Variants in NCAM2 observed in about 807,000 individuals in gnomAD.
NCAM2 encodes the protein N-CAM-2.
NCAM2 carries 30 observed loss-of-function variants against 98.1 expected under a neutral mutation model. The ratio of observed to expected loss-of-function variants is 0.31; its 90% CI spans 0.23 to 0.41. NCAM2 has a LOEUF of 0.41. Among genes scored for constraint, NCAM2 ranks in the 10% least tolerant of loss-of-function variants. NCAM2 has a pLI of 1.00. For missense variants in NCAM2, 867 were observed against 1,005.8 expected (o/e 0.86, Z 1.87); for synonymous variants, 368 against 342.4 (o/e 1.07, Z -0.83).
chr21:21,363,548 G>C (rs925016364), intron 8 of NCAM2, among the ~76,000 whole-genome samples: 1 of 152,034 alleles, frequency 6.6e-6, no homozygotes, highest in Admixed American at 6.6e-5. Context: ...TTTCTGCTTC[G>C]TGGGTCTTTA....
At chr21:21,180,069 C>T (rs1166995938) in intron 1 of NCAM2, among the ~76,000 whole-genome samples, 1 of 152,104 alleles carries the variant, frequency 6.6e-6, no homozygotes, top group African/African-American at 2.4e-5. Context: ...TTGAGCAGGA[C>T]TTCATTTGTC....
At chr21:21,088,068 A>T (rs2065938520) in intron 1 of NCAM2, among the ~76,000 whole-genome samples, 1 of 152,090 alleles carries the variant, frequency 6.6e-6, no homozygotes, top group Non-Finnish European at 1.5e-5. Context: ...TAGAACTGTA[A>T]TTGCATATGG....
rs1989990987 is a variant in NCAM2 at position 21,536,495 on chromosome 21, A to G, written c.2403-1351A>G. Among the ~76,000 whole-genome samples, 6 of 151,638 alleles carry G rather than the reference A, an allele frequency of 4.0e-5. No homozygotes were observed. In the South Asian group the frequency reaches 1.2e-3, roughly 31 times the overall value. The stretch of plus-strand genomic sequence containing the variant: ...CAACCTCCGCCTCCCAGGTTCAAGC[A>G]ATTCTCCTGTCTCAGCCTCCCGAAT... On this transcript the variant is annotated intron_variant, in intron 17 of 17. Transcript: ENST00000400546.
At chr21:21,075,892 G>GGAT (rs1335260523) in intron 1 of NCAM2, among the ~76,000 whole-genome samples, 1 of 152,082 alleles carries the variant, frequency 6.6e-6, no homozygotes, top group Non-Finnish European at 1.5e-5. Flanking sequence ...TGAGGCTGGT[G>GGAT]GATCACCTGA....
chr21:21,526,793 C>T (rs138605974), intron 16 of NCAM2, among the ~76,000 whole-genome samples: 1 of 151,920 alleles, frequency 6.6e-6, no homozygotes, highest in South Asian at 2.1e-4. Flanking sequence ...TAATGGAACC[C>T]AATAAAAACC....
At chr21:21,364,456 TATA>T (rs565747462) in intron 8 of NCAM2, among the ~76,000 whole-genome samples, 159 of 152,136 alleles carry the variant, frequency 1.0e-3, no homozygotes, top group African/African-American at 3.5e-3. Flanking sequence ...ATATATTTGC[TATA>T]ATAATATCAG....
rs1231315150 is a variant in NCAM2, at chr21:21,468,801, TGTC to T, written c.1896+19_1896+21del. 6.2e-7 allele frequency: 1 copy of T among 1,602,434 alleles called. No individual in the cohort carries two copies. On this transcript the variant is annotated intron_variant, in intron 14 of 17. Coordinates refer to ENST00000400546, the MANE Select transcript of NCAM2 (RefSeq NM_004540.5). ...ATAGAAGTGTAAGTACCTTGTTTATTGTCATATCATGCTAGGTTTTTTCAAATT... is the reference window on the plus strand; with the variant it reads ...ATAGAAGTGTAAGTACCTTGTTTATTATATCATGCTAGGTTTTTTCAAATT...
intron 5 of NCAM2, among the ~76,000 whole-genome samples, chr21:21,300,760 A>G (rs2073682509): frequency 9.2e-6 from 1 of 108,810 alleles, no homozygotes; most frequent in South Asian, 4.0e-4. Flanking sequence ...AATCACAAAG[A>G]TATTTTATTT....
chr21:21,370,053 A>G (rs904728992), intron 8 of NCAM2, among the ~76,000 whole-genome samples: 20 of 151,842 alleles, frequency 1.3e-4, no homozygotes, highest in African/African-American at 4.6e-4. Context: ...GTTTTTAAAT[A>G]GAAACTCCCA....
chr21:21,501,477 G>T (rs530603523), intron 15 of NCAM2, among the ~76,000 whole-genome samples: 4 of 151,970 alleles, frequency 2.6e-5, no homozygotes, highest in East Asian at 3.9e-4. Context: ...AGTAAATATG[G>T]ACTTGAAGTA....
intron 1 of NCAM2, among the ~76,000 whole-genome samples, chr21:21,200,486 A>G (rs2069173524): frequency 6.6e-6 from 1 of 151,786 alleles, no homozygotes; most frequent in African/African-American, 2.4e-5. Context: ...TTCAACGTTT[A>G]AGAAATAAAG....
intron 1 of NCAM2, among the ~76,000 whole-genome samples, chr21:21,126,380 A>G (rs946990582): frequency 1.3e-5 from 2 of 151,852 alleles, no homozygotes; most frequent in African/African-American, 4.8e-5. Flanking sequence ...TTTTTGGTAA[A>G]GCTAAACATA....
At chr21:21,331,298 A>C (rs931956501) in intron 6 of NCAM2, among the ~76,000 whole-genome samples, 20 of 150,930 alleles carry the variant, frequency 1.3e-4, no homozygotes, top group Non-Finnish European at 2.4e-4. Context: ...CACAATGCCC[A>C]ATTAACTTTT....
At chr21:21,323,260 A>G (rs1382382094) in intron 5 of NCAM2, among the ~76,000 whole-genome samples, 1 of 152,182 alleles carries the variant, frequency 6.6e-6, no homozygotes, top group East Asian at 1.9e-4. Context: ...TTGTAATACT[A>G]GTAATTATTA....
intron 1 of NCAM2, among the ~76,000 whole-genome samples, chr21:21,242,160 G>GA (rs35149315): frequency 1 from 152,141 of 152,144 alleles, 76,069 homozygotes; most frequent in Middle Eastern, 1. Context: ...TACTAAAAAA[G>GA]AAACCTCCCT....
intron 1 of NCAM2, among the ~76,000 whole-genome samples, chr21:21,173,288 A>G (rs1470506377): frequency 2.6e-5 from 4 of 152,222 alleles, no homozygotes; most frequent in Non-Finnish European, 4.4e-5. Context: ...ATGGAATTAA[A>G]TGTGACAAGT....
intron 14 of NCAM2, among the ~76,000 whole-genome samples, chr21:21,471,772 T>A (rs1013720130): frequency 1.3e-5 from 2 of 151,970 alleles, no homozygotes; most frequent in Non-Finnish European, 1.5e-5. Flanking sequence ...AGTGTAAAAC[T>A]CCCTATAGAT....
At chr21:21,475,577 C>T (rs973543810) in intron 14 of NCAM2, among the ~76,000 whole-genome samples, 1 of 152,144 alleles carries the variant, frequency 6.6e-6, no homozygotes, top group Admixed American at 6.6e-5. Context: ...ACCTTACTGT[C>T]CATTGATTAA....
rs149450220 is a variant in NCAM2 at position 21,371,252 on chromosome 21, A to T, written c.1045-2611A>T. ...TTGATACATTAAAACAGTTTTGAGA[A>T]GGTAGTTTGGATAAATTAATTCTAA... On this transcript the variant is annotated intron_variant, in intron 8 of 17. Coordinates refer to ENST00000400546, the MANE Select transcript of NCAM2 (RefSeq NM_004540.5). Among the ~76,000 whole-genome samples, 83 of 151,940 alleles carry T rather than the reference A, an allele frequency of 5.5e-4. 1 individual carries two copies. In the East Asian group the frequency reaches 0.014, roughly 25 times the overall value.
Sources: gnomAD v4.1 joint callset for allele counts (sites outside exome capture counted in the v4.1 genomes callset) on GRCh38, gnomAD v4.1.1 for gene constraint, MANE v1.5 for transcripts, NCBI Gene and HGNC (gene_info 2026-07-23, HGNC 2026-07-21) for gene names.